DIPK1C: variants seen among roughly 807,000 people sequenced by gnomAD.
DIPK1C encodes the protein familial non-conventional Alzheimer's dementia.
A neutral mutation model predicts 28.0 loss-of-function variants in DIPK1C; 33 were observed. The observed-to-expected ratio is 1.18, with a 90% CI of 0.89 to 1.58. The LOEUF (loss-of-function observed/expected upper bound fraction) is 1.58. Ranked by LOEUF, DIPK1C falls within the 40% of genes most tolerant of loss-of-function variation. DIPK1C has a pLI of 0.00. For synonymous variants in DIPK1C, 255 were observed against 248.8 expected (o/e 1.02, Z -0.23); for missense variants, 569 against 568.5 (o/e 1.00, Z -0.01).
At chr18:74,450,295 T>C (rs1217760798) in intron 1 of DIPK1C, among the ~76,000 whole-genome samples, 1 of 152,218 alleles carries the variant, frequency 6.6e-6, no homozygotes, top group Non-Finnish European at 1.5e-5. Context: ...TTCACTCCCA[T>C]AAAATTTTAT....
intron 2 of DIPK1C, 141 bp downstream of exon 2, chr18:74,446,465 T>A (rs1599038329): frequency 4.4e-6 from 3 of 683,734 alleles, no homozygotes; most frequent in Middle Eastern, 2.6e-4. Context: ...AGTGTTCTGG[T>A]AGGTGGGAGT....
chr18:74,453,942 C>T (rs1471712849), intron 1 of DIPK1C, among the ~76,000 whole-genome samples: 1 of 152,194 alleles, frequency 6.6e-6, no homozygotes, highest in Admixed American at 6.5e-5. Flanking sequence ...ACAGTGCCTT[C>T]CCAGAGGAAG....
chr18:74,458,543 C>T (rs545689237), upstream of DIPK1C, among the ~76,000 whole-genome samples: 7 of 149,160 alleles, frequency 4.7e-5, no homozygotes, highest in East Asian at 2.0e-4. Context: ...TGAACAAACC[C>T]TGAGCCCCAA....
chr18:74,461,379 T>C (rs12967436), upstream of DIPK1C, among the ~76,000 whole-genome samples: 33 of 125,080 alleles, frequency 2.6e-4, no homozygotes, highest in East Asian at 5.5e-4. Flanking sequence ...TTCCTTCCTT[T>C]CTTCCTTCCT....
At chr18:74,442,682 C>T (rs1448757119) in intron 2 of DIPK1C, among the ~76,000 whole-genome samples, 1 of 152,208 alleles carries the variant, frequency 6.6e-6, no homozygotes, top group Non-Finnish European at 1.5e-5. Flanking sequence ...GCTTTAACTG[C>T]AAAAAGGACC....
chr18:74,456,202 T>A (rs979920339), intron 1 of DIPK1C, among the ~76,000 whole-genome samples: 1 of 152,268 alleles, frequency 6.6e-6, no homozygotes, highest in African/African-American at 2.4e-5. Context: ...GACTCCCACC[T>A]TTACTGAAGT....
chr18:74,446,416 A>G (rs545480581), intron 2 of DIPK1C, among the ~76,000 whole-genome samples, 190 bp downstream of exon 2: 2 of 152,180 alleles, frequency 1.3e-5, no homozygotes, highest in East Asian at 3.9e-4. Context: ...TCAGATTCTC[A>G]CTGGAGATGC....
intron 1 of DIPK1C, among the ~76,000 whole-genome samples, chr18:74,456,164 A>T (rs1464026383): frequency 1.3e-5 from 2 of 152,220 alleles, no homozygotes; most frequent in Non-Finnish European, 2.9e-5. Flanking sequence ...AGTAGCTGCT[A>T]CTATCTTCCC....
At chr18:74,464,525 C>T in the DIPK1C span, among the ~76,000 whole-genome samples, 1 of 152,240 alleles carries the variant, frequency 6.6e-6, no homozygotes, top group Non-Finnish European at 1.5e-5. Context: ...CTTGGCACGT[C>T]ATTATCACCT....
Position 74,451,946 on chromosome 18 carries a change from A to G in DIPK1C, c.199-4663T>C, listed in dbSNP as rs938600936. Among the ~76,000 whole-genome samples the G allele has an allele frequency of 3.9e-5, 6 of 152,358 alleles. No homozygotes were observed. In the South Asian group the frequency reaches 8.3e-4, roughly 21 times the overall value. On this transcript the variant is annotated intron_variant, in intron 1 of 3. Transcript: ENST00000343998. ...GTTTCATACACCTAACGCACTGAGC[A>G]TCATCGCTTAGCCCAGCCTACCTTA...
At position 74,447,136 on chromosome 18, in the gene DIPK1C, T is replaced by G; in HGVS notation, c.346A>C (p.Lys116Gln). The change falls in exon 2 of 4, where the codon AAG becomes CAG. Residue 116 changes from lysine (K) to glutamine (Q), a missense_variant. Coordinates refer to ENST00000343998, the MANE Select transcript of DIPK1C (RefSeq NM_001044369.3). The surrounding 1 kb of genome is among the most constrained non-coding windows in gnomAD (Gnocchi z 4.1). ...ADWRGRPVVL[K>Q]SKEEAFSSFP... is the part of the protein sequence containing the mutation. ...CTGGAGAAGGCCTCCTCCTTGGACTTGAGGACCACGGGCCGGCCGCGCCAG... is the reference window on the plus strand; with the variant it reads ...CTGGAGAAGGCCTCCTCCTTGGACTGGAGGACCACGGGCCGGCCGCGCCAG... The G allele has an allele frequency of 6.4e-7, 1 of 1,550,542 alleles. No homozygotes were observed. The highest frequency in any genetic ancestry group is 1.2e-5 in the South Asian group (1 of 84,066).
At chr18:74,451,936 C>T (rs927240579) in intron 1 of DIPK1C, among the ~76,000 whole-genome samples, 46 of 152,236 alleles carry the variant, frequency 3.0e-4, no homozygotes, top group African/African-American at 9.7e-4. Flanking sequence ...ATACACCTAA[C>T]GCACTGAGCA....
intron 1 of DIPK1C, among the ~76,000 whole-genome samples, chr18:74,449,567 G>C (rs1009172440): frequency 3.9e-5 from 6 of 152,202 alleles, no homozygotes; most frequent in Admixed American, 6.5e-5. Flanking sequence ...CTGCTGCGGG[G>C]GTGCTCCTGC....
chr18:74,447,402 T>A lies in DIPK1C; in HGVS notation c.199-119A>T. ...CCTCAGGACGCTGATAATCCAGCTG[T>A]GCAGAGAAACCTCAGCCCTGTGGAT... On this transcript the variant is annotated intron_variant, in intron 1 of 3. Transcript: ENST00000343998. This position sits in a 1 kb window ranked among gnomAD's most constrained non-coding sequence, Gnocchi z 4.1. The A allele has an allele frequency of 9.5e-7, 1 of 1,057,920 alleles. No homozygotes were observed. Among genetic ancestry groups the A allele is most frequent in the Non-Finnish European group, 1.3e-6 (1 of 757,192 alleles). 65.5% of individuals were successfully genotyped at this position (1,057,920 alleles called of 1,614,324 possible).
chr18:74,446,735 C>T lies in DIPK1C; in HGVS notation c.747G>A (p.Gln249=). ...GTGCGATGTCACTGATGGCCTTGGCCTGGCCACCCCCAGGGGCACCTGGGG... is the reference window on the plus strand; with the variant it reads ...GTGCGATGTCACTGATGGCCTTGGCTTGGCCACCCCCAGGGGCACCTGGGG... ...DRAPGAPGGG[Q]AKAISDIALS... The change falls in exon 2 of 4, where the codon CAG becomes CAA. Residue 249 remains glutamine (Q), a synonymous_variant. Coordinates refer to ENST00000343998, the MANE Select transcript of DIPK1C (RefSeq NM_001044369.3). The T allele has an allele frequency of 6.5e-7, 1 of 1,540,214 alleles. No individual in the cohort carries two copies. Among genetic ancestry groups the T allele is most frequent in the South Asian group, 1.2e-5 (1 of 82,556 alleles).
Position 74,447,019 on chromosome 18 carries a change from C to G in DIPK1C, c.463G>C (p.Val155Leu), listed in dbSNP as rs747016230. Reference protein sequence around the residue: ...AELLLMVAGEVKSALGLELSN... With the variant: ...AELLLMVAGELKSALGLELSN... The stretch of plus-strand genomic sequence containing the variant: ...AACTCCAGGCCCAGAGCGCTCTTGA[C>G]CTCCCCAGCCACCATCAGGAGGAGT... The change falls in exon 2 of 4, where the codon GTC becomes CTC. Residue 155 changes from valine (V) to leucine (L), a missense_variant. By Grantham distance (32) the Val-to-Leu change is conservative (BLOSUM62 1). Transcript: ENST00000343998. This position sits in a 1 kb window ranked among gnomAD's most constrained non-coding sequence, Gnocchi z 4.1. The G allele has an allele frequency of 6.5e-7, 1 of 1,545,196 alleles. No homozygotes were observed. Among genetic ancestry groups the G allele is most frequent in the Non-Finnish European group, 8.7e-7 (1 of 1,143,480 alleles).
chr18:74,441,007 C>T lies in DIPK1C; in HGVS notation c.1041+945G>A, dbSNP rs535137648. Among the ~76,000 whole-genome samples, 16 of 152,330 alleles carry T rather than the reference C, an allele frequency of 1.1e-4. No homozygotes were observed. The South Asian group carries it at 1.2e-3, about 12-fold the overall frequency. ...GAGTCGGGGTGTTTGTTTGGCCTGG[C>T]TGGGACCACTAGGTTAACAGCGGAC... On this transcript the variant is annotated intron_variant, in intron 3 of 3. Transcript: ENST00000343998.
chr18:74,435,038 T>C lies in DIPK1C; in HGVS notation c.*1463A>G, dbSNP rs1297044276. ...ATGCTAGTCCCTCACACACCATTTC[T>C]CAGCGTGCCCTGAAGGGCAGAGTCA... On this transcript the variant is annotated 3_prime_UTR_variant, in exon 4 of 4. Transcript: ENST00000343998. 6.6e-6 allele frequency: 1 copy of C among 152,156 alleles called. No homozygotes were observed. Among genetic ancestry groups the C allele is most frequent in the Non-Finnish European group, 1.5e-5 (1 of 68,042 alleles). 9.4% of individuals were successfully genotyped at this position (152,156 alleles called of 1,614,324 possible).
the DIPK1C span, among the ~76,000 whole-genome samples, chr18:74,463,009 G>C: frequency 6.6e-6 from 1 of 152,322 alleles, no homozygotes; most frequent in South Asian, 2.1e-4. Context: ...GGTTGACCTA[G>C]TGGCAAGAGC....
Sources: gnomAD v4.1 joint callset for allele counts (sites outside exome capture counted in the v4.1 genomes callset) on GRCh38, gnomAD v4.1.1 for gene constraint, Gnocchi (gnomAD v3.1) non-coding constraint, MANE v1.5 for transcripts, NCBI Gene and HGNC (gene_info 2026-07-23, HGNC 2026-07-21) for gene names.